The following CNOT6 variants were observed in gnomAD, a reference collection of about 807,000 sequenced individuals.
The protein encoded by CNOT6 is CCR4-NOT transcription complex subunit 6.
A neutral mutation model predicts 61.2 loss-of-function variants in CNOT6; 12 were observed. The ratio of observed to expected loss-of-function variants is 0.20; its 90% CI spans 0.13 to 0.32. The LOEUF is 0.32. Ranked by LOEUF, CNOT6 falls within the 10% of genes least tolerant of loss-of-function variation. CNOT6 has a pLI of 1.00. For missense variants in CNOT6, 405 were observed against 663.9 expected (o/e 0.61, Z 4.28); for synonymous variants, 225 against 240.6 (o/e 0.94, Z 0.60).
chr5:180,494,810 C>G (rs975572925), intron 1 of CNOT6, 47 bp downstream of exon 1: 2 of 151,964 alleles, frequency 1.3e-5, no homozygotes, highest in Admixed American at 6.6e-5. Flanking sequence ...GCTCCTCTCT[C>G]CGGCCGCGCA....
chr5:180,556,610 C>T (rs1435269813), intron 4 of CNOT6, among the ~76,000 whole-genome samples: 2 of 152,170 alleles, frequency 1.3e-5, no homozygotes, highest in East Asian at 3.9e-4. Context: ...TATAGCCACA[C>T]CTACTTTGTT....
At chr5:180,569,906 A>G (rs1201733520) in intron 10 of CNOT6, among the ~76,000 whole-genome samples, 2 of 152,238 alleles carry the variant, frequency 1.3e-5, no homozygotes, top group East Asian at 1.9e-4. Flanking sequence ...TACAATAAAC[A>G]GTAGCCCTTG....
Position 180,551,663 on chromosome 5 carries a change from C to G in CNOT6, c.299+1546C>G, listed in dbSNP as rs141678140. Among the ~76,000 whole-genome samples the G allele has an allele frequency of 1.1e-3, 166 of 152,244 alleles. 4 individuals are homozygous for G. In the East Asian group the frequency reaches 0.029, roughly 27 times the overall value. On this transcript the variant is annotated intron_variant, in intron 3 of 11. Transcript: ENST00000261951. Reference sequence around the variant, plus strand: ...AATATTTTGTACTATTTCATGTTAACTGACTTTTTGACATGGTTCCACTGG... The same window carrying G: ...AATATTTTGTACTATTTCATGTTAAGTGACTTTTTGACATGGTTCCACTGG...
chr5:180,550,174 G>T (rs1357515886), intron 3 of CNOT6, 57 bp downstream of exon 3: 4 of 1,396,174 alleles, frequency 2.9e-6, no homozygotes, highest in African/African-American at 2.8e-5. Context: ...CAAAATATAG[G>T]CCGGGCGCAG....
rs1274150109 is a variant in CNOT6 at position 180,495,367 on chromosome 5, T to C, written c.-3+604T>C. ...AGGATTCGGAGATTGTACTGGTTTCTACAAGCAGTTTTCTCTGGTAACCCA... is the reference window on the plus strand; with the variant it reads ...AGGATTCGGAGATTGTACTGGTTTCCACAAGCAGTTTTCTCTGGTAACCCA... On this transcript the variant is annotated intron_variant, in intron 1 of 11. Coordinates refer to ENST00000261951, the MANE Select transcript of CNOT6 (RefSeq NM_001370472.1). 3 of 152,410 alleles carry C rather than the reference T, an allele frequency of 2.0e-5. 1 individual carries two copies. The South Asian group carries it at 6.2e-4, about 32-fold the overall frequency. 9.4% of individuals were successfully genotyped at this position (152,410 alleles called of 1,614,324 possible).
intron 4 of CNOT6, among the ~76,000 whole-genome samples, chr5:180,560,721 T>G (rs1477680500): frequency 6.6e-6 from 1 of 152,204 alleles, no homozygotes; most frequent in African/African-American, 2.4e-5. Context: ...GTTTTTCTTG[T>G]GTAGGGGTTC....
At chr5:180,560,976 A>ATCAGTCAG (rs1760150159) in intron 4 of CNOT6, among the ~76,000 whole-genome samples, 1 of 149,902 alleles carries the variant, frequency 6.7e-6, no homozygotes, top group Non-Finnish European at 1.5e-5. Flanking sequence ...CAATCAGTCA[A>ATCAGTCAG]TCAAGAGACG....
intron 4 of CNOT6, among the ~76,000 whole-genome samples, chr5:180,563,477 C>T (rs989418252): frequency 6.6e-5 from 10 of 152,010 alleles, no homozygotes; most frequent in African/African-American, 1.2e-4. Context: ...CTCCTAACCT[C>T]GTGATCCGCC....
chr5:180,561,129 T>G (rs1760160164), intron 4 of CNOT6, among the ~76,000 whole-genome samples: 1 of 152,170 alleles, frequency 6.6e-6, no homozygotes, highest in South Asian at 2.1e-4. Flanking sequence ...TTTGTTTGTT[T>G]GTTTGTAGAG....
rs150423381 is a variant in CNOT6 at position 180,527,352 on chromosome 5, A to G, written c.-2-1923A>G. On this transcript the variant is annotated intron_variant, in intron 1 of 11. Transcript: ENST00000261951. The stretch of plus-strand genomic sequence containing the variant: ...TCTTTTTCAGACCATTGATTTGTTC[A>G]AGATATTTGGTCTTTTGTCATCTAG... Among the ~76,000 whole-genome samples the G allele has an allele frequency of 5.3e-4, 81 of 152,274 alleles. 3 individuals carry two copies. The East Asian group carries it at 0.013, about 25-fold the overall frequency.
At position 180,494,446 on chromosome 5, in the gene CNOT6, A is replaced by AGGCGGCGGCGTCGGTGGC. The variant is rs1316001584; in HGVS notation, c.-312_-295dup. ...GAAAACGAGGGGGGCGCGGAGGAGG[A>AGGCGGCGGCGTCGGTGGC]GGCGGCGGCGTCGGTGGCGGCGGCG... On this transcript the variant is annotated 5_prime_UTR_variant, in exon 1 of 12. Transcript: ENST00000261951. The AGGCGGCGGCGTCGGTGGC allele has an allele frequency of 1.9e-5, 3 of 155,202 alleles. No homozygotes were observed. The highest frequency in any genetic ancestry group is 6.6e-5 in the Admixed American group (1 of 15,244). 9.6% of individuals were successfully genotyped at this position (155,202 alleles called of 1,614,324 possible). A position where few individuals can be genotyped will look rare whatever the true frequency, so the allele number is the denominator to read the frequency against.
At chr5:180,530,821 C>T (rs1316514910) in intron 2 of CNOT6, among the ~76,000 whole-genome samples, 13 of 152,204 alleles carry the variant, frequency 8.5e-5, no homozygotes, top group South Asian at 8.3e-4. Context: ...CATCTTGCAC[C>T]GCCCTTAATC....
chr5:180,507,425 C>T (rs1443371870), intron 1 of CNOT6, among the ~76,000 whole-genome samples: 2 of 152,100 alleles, frequency 1.3e-5, no homozygotes, highest in Non-Finnish European at 2.9e-5. Context: ...CCTGGTGAAA[C>T]CCCGTCTCTA....
chr5:180,569,017 T>G (rs1317432788), intron 9 of CNOT6, 93 bp from the exon 10 acceptor site: 3 of 890,400 alleles, frequency 3.4e-6, no homozygotes, highest in Admixed American at 5.3e-5. Context: ...ATTCTGGGAC[T>G]CTGAGAGATT....
intron 10 of CNOT6, 80 bp from the exon 11 acceptor site, chr5:180,571,150 A>T: frequency 1.0e-6 from 1 of 996,658 alleles, no homozygotes; most frequent in Non-Finnish European, 1.5e-6. Context: ...TGTATAGTTT[A>T]AAACTTCTTA....
intron 2 of CNOT6, among the ~76,000 whole-genome samples, chr5:180,541,957 C>T (rs1199650880): frequency 6.6e-6 from 1 of 151,818 alleles, no homozygotes; most frequent in African/African-American, 2.4e-5. Context: ...TGGCCTCAAG[C>T]AATCCTTCTG....
intron 2 of CNOT6, among the ~76,000 whole-genome samples, chr5:180,547,631 C>T (rs1238970524): frequency 6.6e-6 from 1 of 152,130 alleles, no homozygotes; most frequent in Non-Finnish European, 1.5e-5. Flanking sequence ...ATGTTTTTCC[C>T]CTCTGGTGGC....
At chr5:180,551,679 G>A (rs534921176) in intron 3 of CNOT6, among the ~76,000 whole-genome samples, 1 of 152,188 alleles carries the variant, frequency 6.6e-6, no homozygotes, top group African/African-American at 2.4e-5. Flanking sequence ...TTTTGACATG[G>A]TTCCACTGGC....
At chr5:180,549,899 A>G (rs750493281) in intron 2 of CNOT6, 32 bp from the exon 3 acceptor site, 2 of 1,511,986 alleles carry the variant, frequency 1.3e-6, no homozygotes, top group Non-Finnish European at 1.8e-6. Context: ...AGAAAACTAT[A>G]TAATCCGTTC....
Sources: allele counts gnomAD v4.1 joint callset (sites outside exome capture counted in the v4.1 genomes callset), GRCh38; gene constraint gnomAD v4.1.1; transcripts MANE v1.5; gene names NCBI Gene and HGNC (gene_info 2026-07-23, HGNC 2026-07-21).